Variants in PRR27 observed in about 807,000 individuals in gnomAD.
PRR27 encodes proline-rich protein 27.
In PRR27, 12 loss-of-function variants were observed where a neutral mutation model predicts 16.8. The ratio of observed to expected loss-of-function variants is 0.71; its 90% confidence interval spans 0.46 to 1.16. The LOEUF (loss-of-function observed/expected upper bound fraction) is 1.16, where lower values mean the gene tolerates loss of function less well. PRR27 is among the 50% of genes most tolerant of loss of function. The probability of loss-of-function intolerance (pLI) is 0.00; values close to 1 mark genes in which losing one functional copy is unlikely to be tolerated. For missense variants in PRR27, 277 were observed against 273.3 expected (o/e 1.01, Z -0.10); for synonymous variants, 100 against 98.4 (o/e 1.02, Z -0.10).
In PRR27 at chr4:70,158,727, G is replaced by T. The variant is rs777473777; in HGVS notation, c.475G>T (p.Ala159Ser). ...AGGGGCCCCTGTTGCAGCTGAGCCT[G>T]CTGCAGAGGCACCTGTTGGAGCTGA... ...AAGAPVAAEP[A>S]AEAPVGAEPA... The change falls in exon 3 of 5, where the codon GCT becomes TCT. Residue 159 changes from alanine to serine, a missense_variant. Coordinates refer to ENST00000344526, the MANE Select transcript of PRR27 (RefSeq NM_214711.4). 6.3e-7 allele frequency: 1 copy of T among 1,577,992 alleles called. No individual in the cohort carries two copies. The highest frequency in any genetic ancestry group is 1.1e-5 in the South Asian group (1 of 88,928).
At chr4:70,155,646 C>T (rs1457433815) in intron 1 of PRR27, among the ~76,000 whole-genome samples, 1 of 152,062 alleles carries the variant, frequency 6.6e-6, no homozygotes, top group Non-Finnish European at 1.5e-5. Flanking sequence ...GGATTACAGG[C>T]GTGAGCCATT....
intron 2 of PRR27, among the ~76,000 whole-genome samples, chr4:70,158,034 C>A (rs996315644): frequency 2.0e-5 from 3 of 152,216 alleles, no homozygotes; most frequent in East Asian, 1.9e-4. Context: ...CCTAAAAGTG[C>A]GAGTGCTTTC....
chr4:70,155,632 G>T (rs1011614461), intron 1 of PRR27, among the ~76,000 whole-genome samples: 1 of 152,068 alleles, frequency 6.6e-6, no homozygotes, highest in Non-Finnish European at 1.5e-5. Context: ...CTCCCAAAGT[G>T]CTGGGATTAC....
At chr4:70,154,857 G>A in intron 1 of PRR27, 1 of 897,160 alleles carries the variant, frequency 1.1e-6, no homozygotes, top group Non-Finnish European at 1.6e-6. Context: ...TACCTTTAGT[G>A]GACTGTAACG....
rs977984062 is a variant in PRR27, at chr4:70,166,422, T to A, written c.*3761T>A. 6 of 152,128 alleles carry A rather than the reference T, an allele frequency of 3.9e-5. No homozygotes were observed. The highest frequency in any genetic ancestry group is 6.6e-5 in the Admixed American group (1 of 15,258). The allele number at this position is 152,128 out of a possible 1,614,324, so 9.4% of individuals were successfully genotyped here. ...CTTAACCCAAAACTGAAATAAAAAA[T>A]TATAAGAGAAAATACTATTTTCCAC... On this transcript the variant is annotated 3_prime_UTR_variant, in exon 5 of 5. Transcript: ENST00000344526.
intron 1 of PRR27, 152 bp from the exon 2 acceptor site, chr4:70,155,902 T>C: frequency 1.8e-6 from 1 of 569,092 alleles, no homozygotes. Context: ...ATGATGACGA[T>C]GATAAAAAAA....
At chr4:70,156,679 A>G (rs749397384) in intron 2 of PRR27, among the ~76,000 whole-genome samples, 6 of 152,154 alleles carry the variant, frequency 3.9e-5, no homozygotes, top group Admixed American at 2.6e-4. Context: ...ACAGAAGACT[A>G]CTAAGAAAAT....
intron 3 of PRR27, among the ~76,000 whole-genome samples, chr4:70,159,391 G>A (rs991957179): frequency 6.6e-6 from 1 of 152,096 alleles, no homozygotes; most frequent in African/African-American, 2.4e-5. Context: ...CCATTCATCT[G>A]TTGAACAGAT....
chr4:70,160,443 C>CTCTCTCTGTGTGTGTGTGTGTGTG (rs1298386504), intron 3 of PRR27, among the ~76,000 whole-genome samples: 25 of 68,694 alleles, frequency 3.6e-4, no homozygotes, highest in East Asian at 1.1e-3. Flanking sequence ...CTCTCTCTCT[C>CTCTCTCTGTGTGTGTGTGTGTGTG]TGTGTGTGTG....
chr4:70,160,443 C>CTCTCTCTCTCTCTGTGTGTGTGTGTG (rs1298386504), intron 3 of PRR27, among the ~76,000 whole-genome samples: 27 of 68,704 alleles, frequency 3.9e-4, no homozygotes, highest in South Asian at 1.7e-3. Flanking sequence ...CTCTCTCTCT[C>CTCTCTCTCTCTCTGTGTGTGTGTGTG]TGTGTGTGTG....
chr4:70,158,287 G>A, intron 2 of PRR27, 41 bp from the exon 3 acceptor site: 1 of 706,056 alleles, frequency 1.4e-6, no homozygotes, highest in South Asian at 1.7e-5. Flanking sequence ...ATATAGACAG[G>A]ACAAATACAA....
Position 70,158,733 on chromosome 4 carries a change from GA to G in PRR27, c.482del (p.Glu161GlyfsTer63). 3 of 1,578,556 alleles carry G rather than the reference GA, an allele frequency of 1.9e-6. No individual in the cohort carries two copies. Among genetic ancestry groups the G allele is most frequent in the Admixed American group, 1.7e-5 (1 of 59,318 alleles). ...GAPVAAEPAA[E>X]APVGAEPAAE... The stretch of plus-strand genomic sequence containing the variant: ...CCCTGTTGCAGCTGAGCCTGCTGCA[GA>G]GGCACCTGTTGGAGCTGAGCCTGCT... On this transcript the variant is annotated frameshift_variant, in exon 3 of 5. Transcript: ENST00000344526. LOFTEE classifies it high-confidence loss of function.
chr4:70,160,443 C>CTCTCTCTCTCTCTCTCTGTG, intron 3 of PRR27, among the ~76,000 whole-genome samples: 1 of 68,678 alleles, frequency 1.5e-5, no homozygotes, highest in Non-Finnish European at 2.8e-5. Context: ...CTCTCTCTCT[C>CTCTCTCTCTCTCTCTCTGTG]TGTGTGTGTG....
Position 70,155,451 on chromosome 4 carries a change from G to A in PRR27, c.52-603G>A, listed in dbSNP as rs569413496. Among the ~76,000 whole-genome samples the A allele has an allele frequency of 1.1e-4, 16 of 151,456 alleles. No individual in the cohort carries two copies. In the South Asian group the frequency reaches 3.3e-3, roughly 32 times the overall value. On this transcript the variant is annotated intron_variant, in intron 1 of 4. Coordinates refer to ENST00000344526, the MANE Select transcript of PRR27 (RefSeq NM_214711.4). ...GCGACCTGGGCTCACTGCAAGCTCCGCCTCTCGGGTTCACGCCATTCTCCT... is the reference window on the plus strand; with the variant it reads ...GCGACCTGGGCTCACTGCAAGCTCCACCTCTCGGGTTCACGCCATTCTCCT...
rs189816818 is a variant in PRR27, at chr4:70,156,465, G to A, written c.75+388G>A. 2.0e-3 allele frequency among the ~76,000 whole-genome samples: 302 copies of A among 152,302 alleles called. 2 individuals carry two copies. The highest frequency in any genetic ancestry group is 6.9e-3 in the African/African-American group (286 of 41,558). ...GCATGAAGGGTTAGAGCAAGAGAAA[G>A]CATGAAGTAGTGGGCCAGCCATATA... On this transcript the variant is annotated intron_variant, in intron 2 of 4. Coordinates refer to ENST00000344526, the MANE Select transcript of PRR27 (RefSeq NM_214711.4).
At chr4:70,156,019 A>T in intron 1 of PRR27, 35 bp from the exon 2 acceptor site, 5 of 1,344,776 alleles carry the variant, frequency 3.7e-6, no homozygotes, top group Non-Finnish European at 5.1e-6. Flanking sequence ...TTTCAAATAC[A>T]TAACCGCATT....
At chr4:70,154,791 G>A in intron 1 of PRR27, 2 of 1,301,930 alleles carry the variant, frequency 1.5e-6, no homozygotes, top group Non-Finnish European at 2.0e-6. Context: ...CATTGCTGGA[G>A]GTATTTATGT....
intron 2 of PRR27, 149 bp downstream of exon 2, chr4:70,156,226 A>ATAGAAAATATTTATGGAATATGTTTGTG: frequency 2.2e-6 from 1 of 447,004 alleles, no homozygotes; most frequent in Non-Finnish European, 4.0e-6. Context: ...TTCCGATTTG[A>ATAGAAAATATTTATGGAATATGTTTGTG]TAGAAAATAT....
At chr4:70,154,840 C>T (rs1477034912) in intron 1 of PRR27, 3 of 1,044,674 alleles carry the variant, frequency 2.9e-6, no homozygotes, top group Non-Finnish European at 3.9e-6. Context: ...GAAGTAAATG[C>T]ACATCATACC....
Sources: gnomAD v4.1 joint callset for allele counts (sites outside exome capture counted in the v4.1 genomes callset) on GRCh38, gnomAD v4.1.1 for gene constraint, MANE v1.5 for transcripts, NCBI Gene and HGNC (gene_info 2026-07-23, HGNC 2026-07-21) for gene names.